The following GPCPD1 variants were observed in gnomAD, a reference collection of about 807,000 sequenced individuals.
GPCPD1 encodes the protein glycerophosphocholine phosphodiesterase 1, also known as glycerophosphocholine phosphodiesterase GPCPD1.
A neutral mutation model predicts 89.2 loss-of-function variants in GPCPD1; 29 were observed. The observed-to-expected ratio is 0.33, with a 90% confidence interval of 0.24 to 0.44. The LOEUF (loss-of-function observed/expected upper bound fraction) is 0.44, where lower values mean the gene tolerates loss of function less well. Among genes scored for constraint, GPCPD1 ranks in the 20% least tolerant of loss-of-function variants. The pLI, the probability that GPCPD1 is intolerant of heterozygous loss-of-function variation, is 1.00. For synonymous variants in GPCPD1, 258 were observed against 266.3 expected (o/e 0.97, Z 0.30); for missense variants, 594 against 808.9 (o/e 0.73, Z 3.22).
intron 5 of GPCPD1, chr20:5,585,523 T>C (rs1978850769): frequency 6.7e-6 from 1 of 150,326 alleles, no homozygotes; most frequent in Non-Finnish European, 1.5e-5. Context: ...CGATTTTCAA[T>C]ATGGACTAAG....
chr20:5,584,996 T>C (rs947258376), intron 5 of GPCPD1: 1 of 152,184 alleles, frequency 6.6e-6, no homozygotes, highest in African/African-American at 2.4e-5. Context: ...ACTTGCAAAA[T>C]GGATGTGACA....
chr20:5,582,660 A>G (rs1978623412), intron 6 of GPCPD1, among the ~76,000 whole-genome samples: 1 of 152,156 alleles, frequency 6.6e-6, no homozygotes, highest in Non-Finnish European at 1.5e-5. Context: ...AGGCCAAGGC[A>G]GGCAGATCAC....
chr20:5,572,326 T>C (rs73078117), intron 11 of GPCPD1, among the ~76,000 whole-genome samples: 1 of 152,090 alleles, frequency 6.6e-6, no homozygotes, highest in South Asian at 2.1e-4. Context: ...AACAGAAAGA[T>C]AAAACAATCT....
intron 13 of GPCPD1, 104 bp downstream of exon 13, chr20:5,567,379 A>C: frequency 1.5e-6 from 2 of 1,342,218 alleles, no homozygotes; most frequent in Non-Finnish European, 2.0e-6. Context: ...TACACATTAA[A>C]TTTAACAGTC....
At chr20:5,571,911 A>G (rs1986747235) in intron 11 of GPCPD1, among the ~76,000 whole-genome samples, 1 of 149,536 alleles carries the variant, frequency 6.7e-6, no homozygotes, top group South Asian at 2.1e-4. Flanking sequence ...TCCATCTCAA[A>G]AAAAAAAAAA....
At chr20:5,595,686 G>C (rs376750684) in intron 3 of GPCPD1, among the ~76,000 whole-genome samples, 2 of 152,064 alleles carry the variant, frequency 1.3e-5, no homozygotes, top group East Asian at 3.9e-4. Context: ...GCAAATGCTT[G>C]ACACATGTTC....
rs1346814268 is a variant in GPCPD1 at position 5,544,631 on chromosome 20, G to A, written c.*3030C>T. 2.0e-5 allele frequency: 3 copies of A among 152,240 alleles called. No individual in the cohort carries two copies. The highest frequency in any genetic ancestry group is 3.8e-4 in the East Asian group (2 of 5,198). The allele number at this position is 152,240 out of a possible 1,614,324, so 9.4% of individuals were successfully genotyped here. ...CAGACTTCGGAAGGCAGCGTAGTTT[G>A]AGAACATGGGATTCAGAGTCACAAA... On this transcript the variant is annotated 3_prime_UTR_variant, in exon 20 of 20. Transcript: ENST00000379019.
intron 8 of GPCPD1, 68 bp downstream of exon 8, chr20:5,578,312 A>T (rs1978304877): frequency 1.0e-6 from 1 of 988,632 alleles, no homozygotes; most frequent in African/African-American, 1.6e-5. Context: ...AATGAAAATC[A>T]AAACCAACGT....
At chr20:5,580,483 TG>T (rs1330913635) in intron 6 of GPCPD1, among the ~76,000 whole-genome samples, 1 of 152,116 alleles carries the variant, frequency 6.6e-6, no homozygotes, top group Non-Finnish European at 1.5e-5. Context: ...CCCAGCACTT[TG>T]GGAGGCCGAG....
chr20:5,570,277 GGTA>G (rs1428532328), intron 11 of GPCPD1, 38 bp from the exon 12 acceptor site: 1 of 1,006,992 alleles, frequency 9.9e-7, no homozygotes, highest in East Asian at 2.4e-5. Context: ...AACATTGCCT[GGTA>G]CACAGTACCT....
intron 17 of GPCPD1, among the ~76,000 whole-genome samples, chr20:5,559,059 C>T (rs1035958064): frequency 3.3e-5 from 5 of 151,752 alleles, no homozygotes; most frequent in African/African-American, 1.2e-4. Flanking sequence ...AAAAATTAGC[C>T]GAGTATCATG....
At chr20:5,563,587 C>T (rs1331865321) in intron 15 of GPCPD1, among the ~76,000 whole-genome samples, 1 of 151,580 alleles carries the variant, frequency 6.6e-6, no homozygotes, top group Non-Finnish European at 1.5e-5. Flanking sequence ...CAGCTCACTG[C>T]AGCCTCAACC....
At chr20:5,606,221 A>G (rs2122825546) in intron 1 of GPCPD1, among the ~76,000 whole-genome samples, 1 of 152,272 alleles carries the variant, frequency 6.6e-6, no homozygotes, top group Admixed American at 6.5e-5. Flanking sequence ...CATAATTTAA[A>G]TGGAGAAAGA....
At chr20:5,559,023 C>T (rs561676059) in intron 17 of GPCPD1, among the ~76,000 whole-genome samples, 44 of 151,894 alleles carry the variant, frequency 2.9e-4, no homozygotes, top group South Asian at 6.2e-4. Flanking sequence ...GACAACATGG[C>T]GAAATCCCAT....
At chr20:5,587,550 T>G (rs1027927465) in intron 4 of GPCPD1, among the ~76,000 whole-genome samples, 1 of 152,122 alleles carries the variant, frequency 6.6e-6, no homozygotes, top group African/African-American at 2.4e-5. Context: ...GTATTTTTAG[T>G]AGAGATGGGG....
chr20:5,575,989 G>C lies in GPCPD1; in HGVS notation c.706-11C>G, dbSNP rs745996831. 1 of 1,531,856 alleles carries C rather than the reference G, an allele frequency of 6.5e-7. No individual in the cohort carries two copies. Among genetic ancestry groups the C allele is most frequent in the South Asian group, 1.1e-5 (1 of 87,658 alleles). 94.9% of individuals were successfully genotyped at this position (1,531,856 alleles called of 1,614,324 possible). A position where few individuals can be genotyped will look rare whatever the true frequency, so the allele number is the denominator to read the frequency against. ...CTCACTGAGATCTTCCTGAAAAAATGAGATTTAAAATAATCTTAATTTTTA... is the reference window on the plus strand; with the variant it reads ...CTCACTGAGATCTTCCTGAAAAAATCAGATTTAAAATAATCTTAATTTTTA... On this transcript the variant is annotated splice_polypyrimidine_tract_variant and intron_variant, in intron 8 of 19. Coordinates refer to ENST00000379019, the MANE Select transcript of GPCPD1 (RefSeq NM_019593.5).
rs1978287689 is a variant in GPCPD1 at position 5,575,981 on chromosome 20, G to A, written c.706-3C>T. 1.3e-6 allele frequency: 2 copies of A among 1,541,024 alleles called. No homozygotes were observed. The highest frequency in any genetic ancestry group is 1.2e-5 in the South Asian group (1 of 86,824). On this transcript the variant is annotated splice_region_variant and splice_polypyrimidine_tract_variant and intron_variant, in intron 8 of 19. Coordinates refer to ENST00000379019, the MANE Select transcript of GPCPD1 (RefSeq NM_019593.5). ...ACTACGTGCTCACTGAGATCTTCCTGAAAAAATGAGATTTAAAATAATCTT... is the reference window on the plus strand; with the variant it reads ...ACTACGTGCTCACTGAGATCTTCCTAAAAAAATGAGATTTAAAATAATCTT...
chr20:5,596,803 G>A (rs1979761824), intron 3 of GPCPD1, among the ~76,000 whole-genome samples: 1 of 152,180 alleles, frequency 6.6e-6, no homozygotes, highest in South Asian at 2.1e-4. Flanking sequence ...CACGAATATT[G>A]TCTAAAGGCA....
Position 5,557,988 on chromosome 20 carries a change from T to G in GPCPD1, c.1786A>C (p.Arg596=). The part of the protein sequence containing the change: ...GDDTNDPENR[R]KLKELGVNGL... ...TTAACTCCAAGTTCCTTCAATTTCCTTCTGTTTTCAGGATCATTGGTATCA... is the reference window on the plus strand; with the variant it reads ...TTAACTCCAAGTTCCTTCAATTTCCGTCTGTTTTCAGGATCATTGGTATCA... The change falls in exon 19 of 20, where the codon AGG becomes CGG. Residue 596 remains arginine, a synonymous_variant. Coordinates refer to ENST00000379019, the MANE Select transcript of GPCPD1 (RefSeq NM_019593.5). The G allele has an allele frequency of 6.2e-7, 1 of 1,602,920 alleles. No individual in the cohort carries two copies. Among genetic ancestry groups the G allele is most frequent in the South Asian group, 1.1e-5 (1 of 90,300 alleles).
Sources: allele counts gnomAD v4.1 joint callset (sites outside exome capture counted in the v4.1 genomes callset), GRCh38; gene constraint gnomAD v4.1.1; transcripts MANE v1.5; gene names NCBI Gene and HGNC (gene_info 2026-07-23, HGNC 2026-07-21).